The following GNAS variants were observed in gnomAD, a reference collection of about 807,000 sequenced individuals.
The protein encoded by GNAS is GNAS complex locus.
A neutral mutation model predicts 54.5 loss-of-function variants in GNAS; 8 were observed. That is an observed-to-expected ratio of 0.15 (90% CI 0.09 to 0.26). GNAS has a LOEUF of 0.26. Ranked by LOEUF, GNAS falls within the 10% of genes least tolerant of loss-of-function variation. The pLI is 1.00. For missense variants in GNAS, 170 were observed against 529.8 expected (o/e 0.32, Z 6.67); for synonymous variants, 204 against 191.4 (o/e 1.07, Z -0.54).
intron 1 of GNAS, among the ~76,000 whole-genome samples, chr20:58,885,411 G>T (rs1600900022): frequency 6.6e-6 from 1 of 152,326 alleles, no homozygotes; most frequent in East Asian, 1.9e-4. Context: ...TCCACATTCT[G>T]TTTGAATTAG....
In GNAS at chr20:58,891,543, T is replaced by A. The variant is rs1470668392; in HGVS notation, c.-184T>A. 1.2e-4 allele frequency: 117 copies of A among 972,322 alleles called. No homozygotes were observed. The highest frequency in any genetic ancestry group is 1.4e-4 in the Non-Finnish European group (115 of 823,482). 60.2% of individuals were successfully genotyped at this position (972,322 alleles called of 1,614,324 possible). On this transcript the variant is annotated 5_prime_UTR_variant, in exon 1 of 13. Coordinates refer to ENST00000371085, the MANE Select transcript of GNAS (RefSeq NM_000516.7). Reference sequence around the variant, plus strand: ...CTCGGTCCGACCGACACCCTCCCCTTCCCGCCCGTCCGCGCGCCCCGCGGC... The same window carrying A: ...CTCGGTCCGACCGACACCCTCCCCTACCCGCCCGTCCGCGCGCCCCGCGGC...
intron 1 of GNAS, chr20:58,844,056 A>G (rs546275857): frequency 6.6e-6 from 1 of 152,232 alleles, no homozygotes; most frequent in African/African-American, 2.4e-5. Flanking sequence ...GGAGGAAGAA[A>G]GCTGAAACTT....
In GNAS at chr20:58,854,599, C is replaced by T. The variant is rs1357925829; in HGVS notation, c.43+13713C>T. 5.2e-6 allele frequency: 8 copies of T among 1,540,942 alleles called. No individual in the cohort carries two copies. Among genetic ancestry groups the T allele is most frequent in the South Asian group, 2.4e-5 (2 of 84,474 alleles). On this transcript the variant is annotated intron_variant, in intron 1 of 12. Coordinates refer to the GNAS transcript ENST00000306090. ...GCCCCAGCCGATCCCGACTCCGGGG[C>T]GGCCCCTGACGCCCCAGCCGATCCC...
At chr20:58,901,462 C>G (rs1319592963) in intron 3 of GNAS, among the ~76,000 whole-genome samples, 1 of 152,144 alleles carries the variant, frequency 6.6e-6, no homozygotes, top group Non-Finnish European at 1.5e-5. Flanking sequence ...GCCTGAAGCT[C>G]GCTCACCTCC....
At chr20:58,899,148 T>A (rs73307955) in intron 3 of GNAS, among the ~76,000 whole-genome samples, 163 bp downstream of exon 3, 128 of 152,314 alleles carry the variant, frequency 8.4e-4, no homozygotes, top group African/African-American at 2.8e-3. Context: ...TTCCTGACAT[T>A]TTGGAGCAAG....
rs2146305879 is a variant in GNAS, at chr20:58,910,748, C to T, written c.1104C>T (p.Asp368=). 1.2e-6 allele frequency: 2 copies of T among 1,614,086 alleles called. No individual in the cohort carries two copies. The highest frequency in any genetic ancestry group is 1.7e-6 in the Non-Finnish European group (2 of 1,179,924). The change falls in exon 13 of 13, where the codon GAC becomes GAT. Residue 368 remains aspartate (D), a synonymous_variant. Coordinates refer to ENST00000371085, the MANE Select transcript of GNAS (RefSeq NM_000516.7). This position sits in a 1 kb window ranked among gnomAD's most constrained non-coding sequence, Gnocchi z 5.8. ...YCYPHFTCAV[D]TENIRRVFND... is the part of the protein sequence containing the mutation. ...ACCCTCATTTCACCTGCGCTGTGGA[C>T]ACTGAGAACATCCGCCGTGTGTTCA...
intron 1 of GNAS, among the ~76,000 whole-genome samples, chr20:58,879,760 C>A (rs886075685): frequency 3.3e-5 from 5 of 152,024 alleles, no homozygotes; most frequent in African/African-American, 1.2e-4. Context: ...GAGAGAGAAC[C>A]GTGTGGAAAG....
At chr20:58,892,155 C>CTCTT in intron 1 of GNAS, 1 of 932,996 alleles carries the variant, frequency 1.1e-6, no homozygotes, top group Non-Finnish European at 1.3e-6. Flanking sequence ...CGCTCTCCCC[C>CTCTT]TCTTTCTCTC....
intron 1 of GNAS, among the ~76,000 whole-genome samples, chr20:58,859,838 C>T (rs1203395671): frequency 1.3e-5 from 2 of 151,992 alleles, no homozygotes; most frequent in Non-Finnish European, 2.9e-5. Context: ...GTTGGTCAGG[C>T]TGGTCTCAAA....
chr20:58,840,518 G>A (rs201438798), upstream of GNAS: 61 of 1,613,562 alleles, frequency 3.8e-5, no homozygotes, highest in Middle Eastern at 1.6e-4. The surrounding 1 kb of genome is among the most constrained non-coding windows in gnomAD (Gnocchi z 6.0). Context: ...CACTGAGCCC[G>A]AGACCGAGCC....
At chr20:58,904,827 A>G (rs2090934841) in intron 5 of GNAS, among the ~76,000 whole-genome samples, 1 of 152,062 alleles carries the variant, frequency 6.6e-6, no homozygotes, top group Non-Finnish European at 1.5e-5. Flanking sequence ...ATGATTCTAT[A>G]TTTAATAGGA....
chr20:58,885,177 G>A (rs2088507337), intron 1 of GNAS, among the ~76,000 whole-genome samples: 1 of 152,224 alleles, frequency 6.6e-6, no homozygotes, highest in South Asian at 2.1e-4. Context: ...GATGTGGTGA[G>A]AAAGGCACTG....
chr20:58,845,896 A>G (rs970126719), intron 1 of GNAS, among the ~76,000 whole-genome samples: 57 of 152,312 alleles, frequency 3.7e-4, no homozygotes, highest in African/African-American at 1.3e-3. Context: ...CCGGGTAGAA[A>G]TGGGGAGGCT....
upstream of GNAS, chr20:58,889,596 T>G (rs2088922537): frequency 6.6e-6 from 1 of 151,994 alleles, no homozygotes; most frequent in Non-Finnish European, 1.5e-5. Context: ...TCTTTTTGAG[T>G]TGACATTTCT....
intron 1 of GNAS, among the ~76,000 whole-genome samples, chr20:58,860,651 G>T (rs949233686): frequency 1.3e-5 from 2 of 151,882 alleles, no homozygotes; most frequent in African/African-American, 2.4e-5. Flanking sequence ...TTTTATGCAG[G>T]AAGGTTAGTT....
upstream of GNAS, chr20:58,889,125 A>G: frequency 8.5e-7 from 1 of 1,175,394 alleles, no homozygotes; most frequent in Non-Finnish European, 1.1e-6. Flanking sequence ...TCCTCTGAAG[A>G]GGCTGGGGCG....
Position 58,853,845 on chromosome 20 carries a change from G to A in GNAS, c.43+12959G>A, listed in dbSNP as rs1408760301. 1 of 1,595,376 alleles carries A rather than the reference G, an allele frequency of 6.3e-7. No individual in the cohort carries two copies. The highest frequency in any genetic ancestry group is 2.3e-5 in the East Asian group (1 of 43,796). Reference sequence around the variant, plus strand: ...TCCAGGAGGCCCAGGTGCTGCAGGGGTCCCCGGAGCTCCTCCCGAGGAGCC... The same window carrying A: ...TCCAGGAGGCCCAGGTGCTGCAGGGATCCCCGGAGCTCCTCCCGAGGAGCC... On this transcript the variant is annotated intron_variant, in intron 1 of 12. Transcript: ENST00000306090. This position sits in a 1 kb window ranked among gnomAD's most constrained non-coding sequence, Gnocchi z 4.4.
chr20:58,900,044 C>A (rs2090464806), intron 3 of GNAS: 7 of 668,170 alleles, frequency 1.0e-5, no homozygotes, highest in South Asian at 7.8e-5. Context: ...TTAGGAACTT[C>A]TAATAAGAAT....
upstream of GNAS, among the ~76,000 whole-genome samples, chr20:58,890,397 T>C (rs1482459534): frequency 1.3e-5 from 2 of 151,078 alleles, no homozygotes; most frequent in East Asian, 4.0e-4. Flanking sequence ...GGACGACGCC[T>C]ACTACGCGGC....
Sources: allele counts gnomAD v4.1 joint callset (sites outside exome capture counted in the v4.1 genomes callset), GRCh38; gene constraint gnomAD v4.1.1; non-coding constraint Gnocchi (gnomAD v3.1); transcripts MANE v1.5; gene names NCBI Gene and HGNC (gene_info 2026-07-23, HGNC 2026-07-21).